Variants in RPL28 observed in about 807,000 individuals in gnomAD.
RPL28 encodes large ribosomal subunit protein eL28.
Under a neutral mutation model 12.5 loss-of-function variants are expected in RPL28, and 4 were observed. The ratio of observed to expected loss-of-function variants is 0.32; its 90% CI spans 0.16 to 0.73. RPL28 has a LOEUF of 0.73. Among genes scored for constraint, RPL28 ranks in the 30% least tolerant of loss-of-function variants. RPL28 has a pLI of 0.66. For synonymous variants in RPL28, 91 were observed against 72.5 expected, an observed-to-expected ratio of 1.26 and a Z score of -1.30; for missense variants, 214 against 197.7, an observed-to-expected ratio of 1.08 and a Z score of -0.49.
In RPL28 at chr19:55,390,246, A is replaced by G. The variant is rs1017639034; in HGVS notation, c.*1914A>G. 1.1e-5 allele frequency: 11 copies of G among 976,078 alleles called. No individual in the cohort carries two copies. The highest frequency in any genetic ancestry group is 1.3e-5 in the Non-Finnish European group (11 of 821,614). The allele number at this position is 976,078 out of a possible 1,614,324, so 60.5% of individuals were successfully genotyped here. ...GAGATGGAGTCTCGCTCTGTTGCCCAGGCTGGCGAGTGCAATGGCGCGATC... is the reference window on the plus strand; with the variant it reads ...GAGATGGAGTCTCGCTCTGTTGCCCGGGCTGGCGAGTGCAATGGCGCGATC... On this transcript the variant is annotated 3_prime_UTR_variant, in exon 5 of 5. Coordinates refer to ENST00000344063, the MANE Select transcript of RPL28 (RefSeq NM_000991.5).
intron 3 of RPL28, 72 bp downstream of exon 3, chr19:55,386,765 A>C: frequency 6.2e-7 from 1 of 1,611,760 alleles, no homozygotes. Flanking sequence ...TTTTACTGTC[A>C]GGCAGGAAGA....
chr19:55,387,200 C>T, intron 3 of RPL28: 6 of 1,412,108 alleles, frequency 4.2e-6, no homozygotes, highest in Non-Finnish European at 5.9e-6. Flanking sequence ...TTGGGGATTC[C>T]CTGAATGTTC....
intron 4 of RPL28, chr19:55,401,829 A>T: frequency 6.4e-7 from 1 of 1,557,046 alleles, no homozygotes; most frequent in Non-Finnish European, 8.8e-7. Context: ...CCTCCACAAG[A>T]GGGTGGCCTC....
In RPL28 at chr19:55,390,044, C is replaced by T. The variant is rs1202739748; in HGVS notation, c.*1712C>T. Reference sequence around the variant, plus strand: ...CCTGGCACCTGCTTCAGTTGTCCTCCACAGCACTGATTTGCAGCCCACAAG... The same window carrying T: ...CCTGGCACCTGCTTCAGTTGTCCTCTACAGCACTGATTTGCAGCCCACAAG... On this transcript the variant is annotated 3_prime_UTR_variant, in exon 5 of 5. Coordinates refer to ENST00000344063, the MANE Select transcript of RPL28 (RefSeq NM_000991.5). 4.1e-6 allele frequency: 4 copies of T among 985,438 alleles called. No homozygotes were observed. The highest frequency in any genetic ancestry group is 4.7e-5 in the South Asian group (1 of 21,296). The allele number at this position is 985,438 out of a possible 1,614,324, so 61.0% of individuals were successfully genotyped here.
chr19:55,402,633 C>T (rs950371119), intron 4 of RPL28, among the ~76,000 whole-genome samples: 14 of 152,296 alleles, frequency 9.2e-5, no homozygotes, highest in South Asian at 2.1e-4. Context: ...GACACAGGTT[C>T]CCACCCTAAT....
Position 55,390,936 on chromosome 19 carries a change from A to T in RPL28, c.*2604A>T. 1.0e-6 allele frequency: 1 copy of T among 985,468 alleles called. No individual in the cohort carries two copies. The highest frequency in any genetic ancestry group is 1.2e-6 in the Non-Finnish European group (1 of 829,948). 61.0% of individuals were successfully genotyped at this position (985,468 alleles called of 1,614,324 possible). ...TATTCCAGCTTTATTCACACAAATC[A>T]TGTCTGTTGGCCTGGAAATTGGAAA... On this transcript the variant is annotated 3_prime_UTR_variant, in exon 5 of 5. Transcript: ENST00000344063.
At chr19:55,394,711 A>G (rs1600310843), downstream of RPL28, among the ~76,000 whole-genome samples, 1 of 152,226 alleles carries the variant, frequency 6.6e-6, no homozygotes. Context: ...GGCTGGGACC[A>G]CAGGTGTGTG....
intron 4 of RPL28, chr19:55,401,813 C>G: frequency 6.3e-7 from 1 of 1,599,700 alleles, no homozygotes; most frequent in African/African-American, 1.3e-5. Context: ...TACAGGGACC[C>G]CCAGGCCTCC....
Position 55,391,972 on chromosome 19 carries a change from A to T in RPL28, c.*3640A>T. On this transcript the variant is annotated 3_prime_UTR_variant, in exon 5 of 5. Transcript: ENST00000344063. ...CCTCCTGCCCGTGTTTGTGAATATC[A>T]TTCTGTCCTCAGCTGCATTTCCAGC... 1 of 1,197,442 alleles carries T rather than the reference A, an allele frequency of 8.4e-7. No individual in the cohort carries two copies. Among genetic ancestry groups the T allele is most frequent in the East Asian group, 3.8e-5 (1 of 26,024 alleles). 74.2% of individuals were successfully genotyped at this position (1,197,442 alleles called of 1,614,324 possible).
In RPL28 at chr19:55,400,125, G is replaced by A. The variant is rs1180331490; in HGVS notation, c.325-2818G>A. 5 of 152,278 alleles carry A rather than the reference G, an allele frequency of 3.3e-5. No individual in the cohort carries two copies. In the East Asian group the frequency reaches 7.7e-4, roughly 24 times the overall value. 9.4% of individuals were successfully genotyped at this position (152,278 alleles called of 1,614,324 possible). On this transcript the variant is annotated intron_variant, in intron 4 of 4. Coordinates refer to the RPL28 transcript ENST00000560055. ...TTATTAGAATAGGCAAATTCTTTCA[G>A]GACAAAAGCAGCCTTTGAGTTTTCC...
In RPL28 at chr19:55,388,005, G is replaced by A; in HGVS notation, c.281G>A (p.Arg94Lys). 4 of 1,613,518 alleles carry A rather than the reference G, an allele frequency of 2.5e-6. No individual in the cohort carries two copies. Among genetic ancestry groups the A allele is most frequent in the Non-Finnish European group, 3.4e-6 (4 of 1,179,816 alleles). The change falls in exon 4 of 5, where the codon AGA becomes AAA. Residue 94 changes from arginine to lysine, a missense_variant. By Grantham distance (26) the Arg-to-Lys change is conservative. Transcript: ENST00000344063. Reference protein sequence around the residue: ...KNARATLSSIRHMIRKNKYRP... With the variant: ...KNARATLSSIKHMIRKNKYRP... ...GCTCGCGCCACGCTCAGCAGCATCA[G>A]ACACATGATCCGCAAGAACAAGTAC...
rs572516699 is a variant in RPL28 at position 55,386,516 on chromosome 19, T to A, written c.82-54T>A. On this transcript the variant is annotated intron_variant, in intron 2 of 4. Coordinates refer to ENST00000344063, the MANE Select transcript of RPL28 (RefSeq NM_000991.5). ...TGACTCTGGGTCAGAGGGCGGGACC[T>A]TCGCATGTCTCCGGGTCCCTTATTC... 380 of 1,598,966 alleles carry A rather than the reference T, an allele frequency of 2.4e-4. 5 individuals are homozygous for A. In the South Asian group the frequency reaches 4.0e-3, roughly 17 times the overall value.
Position 55,388,457 on chromosome 19 carries a change from C to G in RPL28, c.*125C>G. 2 of 1,351,286 alleles carry G rather than the reference C, an allele frequency of 1.5e-6. No individual in the cohort carries two copies. The highest frequency in any genetic ancestry group is 6.0e-5 in the East Asian group (2 of 33,480). 83.7% of individuals were successfully genotyped at this position (1,351,286 alleles called of 1,614,324 possible). A position where few individuals can be genotyped will look rare whatever the true frequency, so the allele number is the denominator to read the frequency against. On this transcript the variant is annotated 3_prime_UTR_variant, in exon 5 of 5. Transcript: ENST00000344063. ...TGTCATTCAGGCCATGTCATCAAAA[C>G]TCTGCATGTCACCTTGTCCATCTGG...
At chr19:55,387,330 G>C in intron 3 of RPL28, 1 of 1,551,686 alleles carries the variant, frequency 6.4e-7, no homozygotes, top group Admixed American at 2.0e-5. Context: ...TCAGAGCCAA[G>C]GGTCCTTTTA....
intron 4 of RPL28, chr19:55,401,463 G>A (rs1437987468): frequency 1.2e-5 from 19 of 1,606,944 alleles, no homozygotes; most frequent in South Asian, 7.7e-5. Flanking sequence ...CCCGCTTCTT[G>A]TCCGTCTTTT....
rs1447168464 is a variant in RPL28 at position 55,390,725 on chromosome 19, G to T, written c.*2393G>T. 2 of 985,350 alleles carry T rather than the reference G, an allele frequency of 2.0e-6. No individual in the cohort carries two copies. The highest frequency in any genetic ancestry group is 2.4e-6 in the Non-Finnish European group (2 of 829,978). The allele number at this position is 985,350 out of a possible 1,614,324, so 61.0% of individuals were successfully genotyped here. A position where few individuals can be genotyped will look rare whatever the true frequency, so the allele number is the denominator to read the frequency against. On this transcript the variant is annotated 3_prime_UTR_variant, in exon 5 of 5. Coordinates refer to ENST00000344063, the MANE Select transcript of RPL28 (RefSeq NM_000991.5). ...AGCCTGTCTGTGTGGCTGGGCTGGG[G>T]AGGCCACGTCTGGTATCTGAATGCT... is the stretch of plus-strand genomic sequence containing the variant.
In RPL28 at chr19:55,390,878, A is replaced by G. The variant is rs2089983891; in HGVS notation, c.*2546A>G. ...ACACCATTTCCCTCCTCTAGACCTCATCTTGGAGAGAGAGATGTTGGATGG... is the reference window on the plus strand; with the variant it reads ...ACACCATTTCCCTCCTCTAGACCTCGTCTTGGAGAGAGAGATGTTGGATGG... On this transcript the variant is annotated 3_prime_UTR_variant, in exon 5 of 5. Transcript: ENST00000344063. The G allele has an allele frequency of 1.1e-5, 11 of 985,142 alleles. No homozygotes were observed. Among genetic ancestry groups the G allele is most frequent in the South Asian group, 4.7e-5 (1 of 21,292 alleles). 61.0% of individuals were successfully genotyped at this position (985,142 alleles called of 1,614,324 possible). A position where few individuals can be genotyped will look rare whatever the true frequency, so the allele number is the denominator to read the frequency against.
rs972410465 is a variant in RPL28 at position 55,389,047 on chromosome 19, C to A, written c.*715C>A. ...CACTTAGGTCTCATCTCAGTGGCCG[C>A]TCCTGGGCCACCCTGTCACCCAAGC... On this transcript the variant is annotated 3_prime_UTR_variant, in exon 5 of 5. Transcript: ENST00000344063. The A allele has an allele frequency of 2.0e-6, 2 of 985,536 alleles. No homozygotes were observed. Among genetic ancestry groups the A allele is most frequent in the South Asian group, 4.7e-5 (1 of 21,280 alleles). 61.0% of individuals were successfully genotyped at this position (985,536 alleles called of 1,614,324 possible).
In RPL28 at chr19:55,390,942, G is replaced by C. The variant is rs1032794251; in HGVS notation, c.*2610G>C. ...AGCTTTATTCACACAAATCATGTCT[G>C]TTGGCCTGGAAATTGGAAAACCAGT... On this transcript the variant is annotated 3_prime_UTR_variant, in exon 5 of 5. Coordinates refer to ENST00000344063, the MANE Select transcript of RPL28 (RefSeq NM_000991.5). 6.1e-6 allele frequency: 6 copies of C among 985,332 alleles called. No homozygotes were observed. The African/African-American group carries it at 1.0e-4, about 17-fold the overall frequency. The allele number at this position is 985,332 out of a possible 1,614,324, so 61.0% of individuals were successfully genotyped here.
Sources: gnomAD v4.1 joint callset for allele counts (sites outside exome capture counted in the v4.1 genomes callset) on GRCh38, gnomAD v4.1.1 for gene constraint, MANE v1.5 for transcripts, NCBI Gene and HGNC (gene_info 2026-07-23, HGNC 2026-07-21) for gene names.